TIMM17B: variants seen among roughly 807,000 people sequenced by gnomAD.
The protein encoded by TIMM17B is translocase of inner mitochondrial membrane 17B, also known as mitochondrial import inner membrane translocase subunit Tim17-B.
TIMM17B carries 10 observed loss-of-function variants against 15.9 expected under a neutral mutation model. The ratio of observed to expected loss-of-function variants is 0.63; its 90% confidence interval spans 0.39 to 1.06. The LOEUF (loss-of-function observed/expected upper bound fraction) is 1.06, where lower values mean the gene tolerates loss of function less well. Among genes scored for constraint, TIMM17B ranks in the 50% least tolerant of loss-of-function variants. TIMM17B has a pLI of 0.01. For synonymous variants in TIMM17B, 57 were observed against 57.2 expected, an observed-to-expected ratio of 1.00 and a Z score of 0.02; for missense variants, 114 against 152.2, an observed-to-expected ratio of 0.75 and a Z score of 1.32.
At chrX:48,894,292 C>A in intron 4 of TIMM17B, 67 bp from the exon 4 acceptor site, 1 of 1,127,586 alleles carries the variant, frequency 8.9e-7, no homozygotes. Flanking sequence ...AGGGGACTTC[C>A]AAGGCCTGAA....
At chrX:48,894,666 A>G (rs1472278475) in intron 4 of TIMM17B, among the ~76,000 whole-genome samples, 1 of 111,814 alleles carries the variant, frequency 8.9e-6, no homozygotes, top group Non-Finnish European at 1.9e-5. Flanking sequence ...TAACTTCTGC[A>G]ATTTTAAATT....
At chrX:48,896,769 T>C (rs782355009) in exon 3 of TIMM17B, 26 of 1,208,251 alleles carry the variant, frequency 2.2e-5, no homozygotes, top group Non-Finnish European at 2.8e-5. Flanking sequence ...AACAGGGGCA[T>C]TGCGGAAACC....
chrX:48,897,853 C>T, intron 1 of TIMM17B, 85 bp from the exon 1 acceptor site: 1 of 1,084,784 alleles, frequency 9.2e-7, no homozygotes, highest in Middle Eastern at 2.4e-4. Flanking sequence ...GTCGCTATAC[C>T]GCATGTCACG....
At chrX:48,897,762 TGGCCGCGCAGTCA>T in exon 2 of TIMM17B, 11 of 1,209,329 alleles carry the variant, frequency 9.1e-6, no homozygotes, top group Non-Finnish European at 1.2e-5. Context: ...CGCTGGCGTC[TGGCCGCGCAGTCA>T]GGCCACGCCC....
At chrX:48,897,906 G>T in intron 1 of TIMM17B, 138 bp from the exon 1 acceptor site, 1 of 923,932 alleles carries the variant, frequency 1.1e-6, no homozygotes, top group Non-Finnish European at 1.5e-6. Context: ...TCTGCCATTT[G>T]TTCATTGCCT....
At chrX:48,898,123 G>A (rs1557040086) in exon 1 of TIMM17B, 8 of 1,018,306 alleles carry the variant, frequency 7.9e-6, no homozygotes, top group Non-Finnish European at 7.5e-6. Flanking sequence ...GCTGGAGGAA[G>A]TGCTGCCCTC....
Position 48,896,757 on chromosome X carries a change from A to T in TIMM17B, c.126+2T>A. 3.3e-6 allele frequency: 4 copies of T among 1,211,282 alleles called. No individual in the cohort carries two copies. The highest frequency in any genetic ancestry group is 4.5e-6 in the Non-Finnish European group (4 of 895,394). Reference sequence around the variant, plus strand: ...ACCAACCCAGGGAAGGCCTGGACTCACAACAGGGGCATTGCGGAAACCCTT... The same window carrying T: ...ACCAACCCAGGGAAGGCCTGGACTCTCAACAGGGGCATTGCGGAAACCCTT... On this transcript the variant is annotated splice_donor_variant, in intron 3 of 6. Transcript: ENST00000376582. LOFTEE classifies it high-confidence loss of function.
intron 1 of TIMM17B, 137 bp from the exon 1 acceptor site, chrX:48,897,905 T>G: frequency 1.1e-6 from 1 of 928,788 alleles, no homozygotes; most frequent in Non-Finnish European, 1.5e-6. Context: ...TTCTGCCATT[T>G]GTTCATTGCC....
intron 2 of TIMM17B, chrX:48,897,116 C>T: frequency 1.8e-6 from 1 of 569,620 alleles, no homozygotes; most frequent in Non-Finnish European, 2.6e-6. Context: ...AACGGTTTTA[C>T]TGTGATCAAA....
chrX:48,897,970 G>A, intron 1 of TIMM17B: 1 of 904,650 alleles, frequency 1.1e-6, no homozygotes, highest in Non-Finnish European at 1.5e-6. Context: ...CTCGTTGAGA[G>A]AAGGTCTCAT....
chrX:48,893,821 G>A lies in TIMM17B; in HGVS notation c.431-4C>T, dbSNP rs1557039064. On this transcript the variant is annotated splice_polypyrimidine_tract_variant and splice_region_variant and intron_variant, in intron 6 of 6. Coordinates refer to ENST00000376582, the Ensembl canonical transcript of TIMM17B. ...GGGTCCTCCAGGAATGGGGGCGCTGGAGAAGGGAGACTTGGGTAAGGATGA... is the reference window on the plus strand; with the variant it reads ...GGGTCCTCCAGGAATGGGGGCGCTGAAGAAGGGAGACTTGGGTAAGGATGA... 8.4e-7 allele frequency: 1 copy of A among 1,184,929 alleles called. No homozygotes were observed. The highest frequency in any genetic ancestry group is 3.0e-5 in the East Asian group (1 of 33,498).
exon 2 of TIMM17B, chrX:48,897,795 A>T (rs3027519): frequency 0.015 from 17,479 of 1,200,428 alleles, 111 homozygotes; most frequent in Non-Finnish European, 0.017. Flanking sequence ...CCCAGCGTAG[A>T]CGCACACCGG....
rs905401339 is a variant in TIMM17B at position 48,897,806 on chromosome X, C to T, written c.-57G>A. ...CGCCCCCAGCGTAGACGCACACCGG[C>T]GTCGGAGCTTTCCGCCTATTACCGG... is the stretch of plus-strand genomic sequence containing the variant. On this transcript the variant is annotated 5_prime_UTR_variant, in exon 2 of 7. Transcript: ENST00000376582. 25 of 1,193,464 alleles carry T rather than the reference C, an allele frequency of 2.1e-5. No individual in the cohort carries two copies. In the Admixed American group the frequency reaches 5.4e-4, roughly 26 times the overall value.
At chrX:48,897,856 A>C in intron 1 of TIMM17B, 88 bp from the exon 1 acceptor site, 1 of 1,083,707 alleles carries the variant, frequency 9.2e-7, no homozygotes, top group Non-Finnish European at 1.2e-6. Flanking sequence ...GCTATACCGC[A>C]TGTCACGCCA....
In TIMM17B at chrX:48,893,834, T is replaced by C; in HGVS notation, c.431-17A>G. 8.5e-7 allele frequency: 1 copy of C among 1,170,745 alleles called. No homozygotes were observed. The highest frequency in any genetic ancestry group is 1.2e-6 in the Non-Finnish European group (1 of 866,353). On this transcript the variant is annotated splice_polypyrimidine_tract_variant and intron_variant, in intron 6 of 6. Transcript: ENST00000376582. ...ATGGGGGCGCTGGAGAAGGGAGACT[T>C]GGGTAAGGATGAGTGGAAGAGGCCA...
Position 48,893,886 on chromosome X carries a change from C to G in TIMM17B, c.430+14G>C, listed in dbSNP as rs2063294879. The G allele has an allele frequency of 3.3e-6, 4 of 1,200,249 alleles. No individual in the cohort carries two copies. In the East Asian group the frequency reaches 1.2e-4, roughly 36 times the overall value. On this transcript the variant is annotated intron_variant, in intron 6 of 6. Coordinates refer to ENST00000376582, the Ensembl canonical transcript of TIMM17B. ...GTGGAGTATTTCCCACTCCCCCGAC[C>G]ACCAGTTACTCACCATTTCGGAACT...
At chrX:48,898,134 TG>T in exon 1 of TIMM17B, 1 of 1,019,498 alleles carries the variant, frequency 9.8e-7, no homozygotes, top group Non-Finnish European at 1.3e-6. Context: ...TGCTGCCCTC[TG>T]CTCCCCCATC....
At chrX:48,894,295 G>A in intron 4 of TIMM17B, 70 bp from the exon 4 acceptor site, 1 of 1,108,710 alleles carries the variant, frequency 9.0e-7, no homozygotes, top group Non-Finnish European at 1.2e-6. Context: ...GGACTTCCAA[G>A]GCCTGAATGC....
intron 3 of TIMM17B, chrX:48,896,549 G>A: frequency 1.3e-6 from 1 of 780,508 alleles, no homozygotes; most frequent in East Asian, 3.6e-5. Context: ...AGGAGCTCCA[G>A]TTGGGTGGGG....
Sources: gnomAD v4.1 joint callset for allele counts (sites outside exome capture counted in the v4.1 genomes callset) on GRCh38, gnomAD v4.1.1 for gene constraint, MANE v1.5 for transcripts, NCBI Gene and HGNC (gene_info 2026-07-23, HGNC 2026-07-21) for gene names.